The following ZNF517 variants were observed in gnomAD, a reference collection of about 807,000 sequenced individuals.
ZNF517 encodes zinc finger protein 517.
ZNF517 carries 12 observed loss-of-function variants against 12.1 expected under a neutral mutation model. The observed-to-expected ratio is 0.99, with a 90% CI of 0.63 to 1.61. ZNF517 has a LOEUF of 1.61. ZNF517 is among the 40% of genes most tolerant of loss of function. ZNF517 has a pLI of 0.00. For missense variants in ZNF517, 781 were observed against 693.2 expected (o/e 1.13, Z -1.42); for synonymous variants, 388 against 310.2 (o/e 1.25, Z -2.63).
At chr8:144,806,074 T>C (rs1000100420) in intron 4 of ZNF517, among the ~76,000 whole-genome samples, 1 of 152,234 alleles carries the variant, frequency 6.6e-6, no homozygotes, top group African/African-American at 2.4e-5. Context: ...GTGCCCTCGG[T>C]CTCTTGCCTT....
chr8:144,807,770 G>C lies in ZNF517; in HGVS notation c.854G>C (p.Gly285Ala). The C allele has an allele frequency of 6.2e-7, 1 of 1,612,148 alleles. No individual in the cohort carries two copies. The change falls in exon 5 of 5, where the codon GGG (glycine) becomes GCG (alanine). Residue 285 changes from glycine (G) to alanine (A), a missense_variant. Coordinates refer to ENST00000359971, the MANE Select transcript of ZNF517 (RefSeq NM_213605.3). ...CTGCAGCACCAGAAGTTCCACACCG[G>C]GGAGAAGCCCTTCGCGTGCACAGAG... is the stretch of plus-strand genomic sequence containing the variant. ...RLLQHQKFHT[G>A]EKPFACTECG...
intron 1 of ZNF517, among the ~76,000 whole-genome samples, chr8:144,799,987 C>T (rs755727467): frequency 6.6e-6 from 1 of 152,162 alleles, no homozygotes; most frequent in South Asian, 2.1e-4. Context: ...CTGAAACCTG[C>T]TGGAGGAGAG....
At chr8:144,800,752 C>CG in intron 1 of ZNF517, 2 of 948,878 alleles carry the variant, frequency 2.1e-6, no homozygotes, top group Non-Finnish European at 2.5e-6. Flanking sequence ...CATCGCCCTT[C>CG]GTACCCTAAC....
chr8:144,808,204 G>A lies in ZNF517; in HGVS notation c.1288G>A (p.Gly430Ser), dbSNP rs773064935. Residue 430 changes from glycine to serine, a missense_variant, in exon 5 of 5, where the codon GGC becomes AGC. Gly to Ser is a moderately conservative substitution (Grantham distance 56). Transcript: ENST00000359971. Reference sequence around the variant, plus strand: ...GAAGCCCTTCGCGTGCACCGAGTGCGGCAAGGCGTTCCGCAGGAGCTACAC... The same window carrying A: ...GAAGCCCTTCGCGTGCACCGAGTGCAGCAAGGCGTTCCGCAGGAGCTACAC... ...KEKPFACTEC[G>S]KAFRRSYTLN... is the part of the protein sequence containing the mutation. 8 of 1,608,782 alleles carry A rather than the reference G, an allele frequency of 5.0e-6. No individual in the cohort carries two copies. Among genetic ancestry groups the A allele is most frequent in the Non-Finnish European group, 5.9e-6 (7 of 1,177,220 alleles).
chr8:144,811,203 A>C (rs1419614625), downstream of ZNF517: 1 of 152,304 alleles, frequency 6.6e-6, no homozygotes, highest in Non-Finnish European at 1.5e-5. Context: ...CTCATCTTGG[A>C]CACGATCCAC....
downstream of ZNF517, among the ~76,000 whole-genome samples, chr8:144,811,891 A>C (rs1827567604): frequency 8.3e-6 from 1 of 120,214 alleles, no homozygotes; most frequent in African/African-American, 3.6e-5. Context: ...CGGACAGTAA[A>C]GCTCAGCCAG....
rs140538369 is a variant in ZNF517, at chr8:144,808,113, G to C, written c.1197G>C (p.Ala399=). The C allele has an allele frequency of 3.7e-6, 6 of 1,605,434 alleles. No individual in the cohort carries two copies. The South Asian group carries it at 4.4e-5, about 12-fold the overall frequency. Reference sequence around the variant, plus strand: ...CGGGCGAGAAGCCGTTCGAGTGCGCGGAGTGCGGCAAGGCCTTCGGTCGCA... The same window carrying C: ...CGGGCGAGAAGCCGTTCGAGTGCGCCGAGTGCGGCAAGGCCTTCGGTCGCA... ...LHTGEKPFEC[A]ECGKAFGRKS... Residue 399 remains alanine (A), a synonymous_variant, in exon 5 of 5, where the codon GCG becomes GCC. Transcript: ENST00000359971.
Position 144,807,261 on chromosome 8 carries a change from G to A in ZNF517, c.345G>A (p.Pro115=), listed in dbSNP as rs149517896. The A allele has an allele frequency of 5.1e-6, 8 of 1,553,904 alleles. No homozygotes were observed. Among genetic ancestry groups the A allele is most frequent in the East Asian group, 4.5e-5 (2 of 44,332 alleles). Residue 115 remains proline (P), a synonymous_variant, in exon 5 of 5, where the codon CCG becomes CCA. Transcript: ENST00000359971. ...QRKLSRQAGL[P]GTVWGCLPWG... ...AGCTCTCCAGGCAGGCAGGACTGCCGGGCACCGTGTGGGGGTGCCTCCCCT... is the reference window on the plus strand; with the variant it reads ...AGCTCTCCAGGCAGGCAGGACTGCCAGGCACCGTGTGGGGGTGCCTCCCCT...
At chr8:144,802,813 G>A in intron 1 of ZNF517, 57 bp from the exon 2 acceptor site, 1 of 1,600,322 alleles carries the variant, frequency 6.2e-7, no homozygotes, top group South Asian at 1.1e-5. Flanking sequence ...GGCCTTCTGG[G>A]GGGCTGGAGG....
In ZNF517 at chr8:144,807,427, G is replaced by T. The variant is rs769397046; in HGVS notation, c.511G>T (p.Val171Leu). Residue 171 changes from valine to leucine, a missense_variant, in exon 5 of 5, where the codon GTG (valine) becomes TTG (leucine). Val to Leu is a conservative substitution (Grantham distance 32, BLOSUM62 1). Transcript: ENST00000359971. ...TCTGCAGGAAGACCTGGGCCGGCCT[G>T]TGGGGAGCTCAGCCCCCCGCTACAG... ...RVLQEDLGRP[V>L]GSSAPRYRCV... The T allele has an allele frequency of 1.3e-6, 2 of 1,570,000 alleles. No individual in the cohort carries two copies. The highest frequency in any genetic ancestry group is 1.7e-6 in the Non-Finnish European group (2 of 1,158,216).
rs879599886 is a variant in ZNF517, at chr8:144,808,257, C to T, written c.1341C>T (p.Ser447=). The T allele has an allele frequency of 1.0e-5, 16 of 1,590,698 alleles. No individual in the cohort carries two copies. The highest frequency in any genetic ancestry group is 1.7e-4 in the Middle Eastern group (1 of 6,016). ...TGAACGAGCACTACCGGCTCCACAG[C>T]GGCGAGAGGCCATACCGGTGCCGCG... ...YTLNEHYRLH[S]GERPYRCRAC... Residue 447 remains serine (S), a synonymous_variant, in exon 5 of 5, where the codon AGC becomes AGT. Transcript: ENST00000359971.
At chr8:144,802,530 G>C (rs1273609896) in intron 1 of ZNF517, among the ~76,000 whole-genome samples, 1 of 152,198 alleles carries the variant, frequency 6.6e-6, no homozygotes, top group Non-Finnish European at 1.5e-5. Flanking sequence ...TAAGGAGCAA[G>C]GAAGTTAACT....
At chr8:144,800,621 G>A (rs1185837437) in intron 1 of ZNF517, 2 of 985,408 alleles carry the variant, frequency 2.0e-6, no homozygotes, top group South Asian at 9.4e-5. Flanking sequence ...TCCTGCCACA[G>A]ACTGCCCTGG....
rs1037643101 is a variant in ZNF517 at position 144,804,109 on chromosome 8, C to T, written c.161-16C>T. On this transcript the variant is annotated splice_polypyrimidine_tract_variant and intron_variant, in intron 3 of 4. Transcript: ENST00000359971. Reference sequence around the variant, plus strand: ...CTCCTGTACTGATACGTGCTGCTTTCCTTCTCTGAGCTTAGGCTTTCTTGT... The same window carrying T: ...CTCCTGTACTGATACGTGCTGCTTTTCTTCTCTGAGCTTAGGCTTTCTTGT... 1 of 1,612,634 alleles carries T rather than the reference C, an allele frequency of 6.2e-7. No homozygotes were observed. The highest frequency in any genetic ancestry group is 1.3e-5 in the African/African-American group (1 of 75,052).
At chr8:144,802,335 C>T (rs1397509400) in intron 1 of ZNF517, among the ~76,000 whole-genome samples, 3 of 152,182 alleles carry the variant, frequency 2.0e-5, no homozygotes, top group Non-Finnish European at 4.4e-5. Flanking sequence ...CAAGATCACA[C>T]CACCAACTCC....
intron 4 of ZNF517, among the ~76,000 whole-genome samples, chr8:144,806,798 T>C (rs1353152497): frequency 6.6e-6 from 1 of 151,900 alleles, no homozygotes; most frequent in Non-Finnish European, 1.5e-5. Flanking sequence ...AACCCTGATT[T>C]TAAAACCTCT....
Position 144,807,642 on chromosome 8 carries a change from C to T in ZNF517, c.726C>T (p.Phe242=). The T allele has an allele frequency of 3.7e-6, 6 of 1,610,188 alleles. No homozygotes were observed. The highest frequency in any genetic ancestry group is 5.1e-6 in the Non-Finnish European group (6 of 1,179,290). ...PFQCGECGKA[F]RQSTQLAAHH... ...AGTGCGGCGAGTGCGGGAAGGCCTT[C>T]CGGCAGAGCACGCAGCTGGCTGCCC... The change falls in exon 5 of 5, where the codon TTC becomes TTT. Residue 242 remains phenylalanine, a synonymous_variant. Coordinates refer to ENST00000359971, the MANE Select transcript of ZNF517 (RefSeq NM_213605.3).
downstream of ZNF517, chr8:144,810,925 G>C (rs1468594186): frequency 6.6e-6 from 1 of 152,546 alleles, no homozygotes; most frequent in Non-Finnish European, 1.5e-5. Flanking sequence ...GCGAGCGTGG[G>C]ATCCAGCCCA....
chr8:144,803,074 C>G, intron 2 of ZNF517, 127 bp downstream of exon 2: 2 of 1,222,828 alleles, frequency 1.6e-6, no homozygotes, highest in Non-Finnish European at 2.3e-6. Context: ...GTCTGCAAGC[C>G]GAGGACAGCC....
Sources: allele counts gnomAD v4.1 joint callset (sites outside exome capture counted in the v4.1 genomes callset), GRCh38; gene constraint gnomAD v4.1.1; transcripts MANE v1.5; gene names NCBI Gene and HGNC (gene_info 2026-07-23, HGNC 2026-07-21).